C6orf163: variants seen among roughly 807,000 people sequenced by gnomAD.
C6orf163 encodes the protein chromosome 6 open reading frame 163.
In C6orf163, 22 loss-of-function variants were observed where a neutral mutation model predicts 28.4. The ratio of observed to expected loss-of-function variants is 0.78; its 90% CI spans 0.55 to 1.11. C6orf163 has a LOEUF of 1.11. Ranked by LOEUF, C6orf163 falls within the 50% of genes least tolerant of loss-of-function variation. The pLI is 0.00. For synonymous variants in C6orf163, 110 were observed against 123.6 expected (o/e 0.89, Z 0.73); for missense variants, 342 against 389.1 (o/e 0.88, Z 1.02).
Position 87,356,299 on chromosome 6 carries a change from A to G in C6orf163, c.352-2A>G, listed in dbSNP as rs1203332529. 1.3e-5 allele frequency: 20 copies of G among 1,551,578 alleles called. No homozygotes were observed. The East Asian group carries it at 2.0e-4, about 15-fold the overall frequency. ...CTAAACCTAGTTTTGCCATTGCTTCAGGAAGTGACAGCTAAAACTAAGACA... is the reference window on the plus strand; with the variant it reads ...CTAAACCTAGTTTTGCCATTGCTTCGGGAAGTGACAGCTAAAACTAAGACA... On this transcript the variant is annotated splice_acceptor_variant, in intron 3 of 4. Transcript: ENST00000388923. LOFTEE classifies it high-confidence loss of function.
At chr6:87,360,734 A>G (rs567611189) in intron 4 of C6orf163, among the ~76,000 whole-genome samples, 9 of 152,270 alleles carry the variant, frequency 5.9e-5, no homozygotes, top group Admixed American at 2.0e-4. Flanking sequence ...TAATGTTCCA[A>G]TATAGCTGCT....
intron 4 of C6orf163, among the ~76,000 whole-genome samples, chr6:87,363,210 A>G (rs1015052149): frequency 5.3e-5 from 8 of 152,136 alleles, no homozygotes; most frequent in African/African-American, 1.4e-4. Flanking sequence ...AATACCCTAC[A>G]TTATAGCCAG....
rs1422117733 is a variant in C6orf163 at position 87,344,873 on chromosome 6, G to A, written c.-227G>A. On this transcript the variant is annotated 5_prime_UTR_variant, in exon 1 of 5. An upstream open reading frame in the 5' UTR gains an earlier in-frame stop. Coordinates refer to ENST00000388923, the MANE Select transcript of C6orf163 (RefSeq NM_001010868.3). Reference sequence around the variant, plus strand: ...CAACTACTTAAATCTTCCCAAATCTGGTGCCCATACCTTCTATGGCAGGGG... The same window carrying A: ...CAACTACTTAAATCTTCCCAAATCTAGTGCCCATACCTTCTATGGCAGGGG... The A allele has an allele frequency of 2.8e-6, 1 of 352,080 alleles. No homozygotes were observed. Among genetic ancestry groups the A allele is most frequent in the Admixed American group, 4.7e-5 (1 of 21,386 alleles). 21.8% of individuals were successfully genotyped at this position (352,080 alleles called of 1,614,324 possible). A position where few individuals can be genotyped will look rare whatever the true frequency, so the allele number is the denominator to read the frequency against.
At chr6:87,361,149 G>T (rs1202858969) in intron 4 of C6orf163, among the ~76,000 whole-genome samples, 1 of 152,112 alleles carries the variant, frequency 6.6e-6, no homozygotes, top group Non-Finnish European at 1.5e-5. Flanking sequence ...GCTGGGCATG[G>T]TCGCACATGC....
At chr6:87,361,020 T>G (rs893877935) in intron 4 of C6orf163, among the ~76,000 whole-genome samples, 3 of 152,152 alleles carry the variant, frequency 2.0e-5, no homozygotes, top group African/African-American at 7.2e-5. Context: ...AAAGTGGGGC[T>G]AGGCGCAGTG....
Position 87,365,124 on chromosome 6 carries a change from G to A in C6orf163, c.718G>A (p.Glu240Lys), listed in dbSNP as rs1714929832. ...EEVQEVLQEA[E>K]KTHQATLGNM... Reference sequence around the variant, plus strand: ...GGTACAGGAAGTGCTTCAAGAAGCAGAGAAAACACATCAGGCCACTCTTGG... The same window carrying A: ...GGTACAGGAAGTGCTTCAAGAAGCAAAGAAAACACATCAGGCCACTCTTGG... Residue 240 changes from glutamate to lysine, a missense_variant, in exon 5 of 5, where the codon GAG (glutamate) becomes AAG (lysine). Physicochemically the swap from Glu to Lys is moderately conservative, Grantham distance 56. Transcript: ENST00000388923. 6.4e-7 allele frequency: 1 copy of A among 1,552,012 alleles called. No individual in the cohort carries two copies. Among genetic ancestry groups the A allele is most frequent in the Non-Finnish European group, 8.7e-7 (1 of 1,147,076 alleles).
intron 4 of C6orf163, chr6:87,356,925 C>G (rs1408317452): frequency 1.2e-5 from 2 of 169,760 alleles, no homozygotes; most frequent in Non-Finnish European, 2.6e-5. Flanking sequence ...TTCACATTCT[C>G]TAGCCTAGAT....
intron 4 of C6orf163, among the ~76,000 whole-genome samples, chr6:87,363,980 G>T (rs999153723): frequency 1.3e-5 from 2 of 150,556 alleles, no homozygotes; most frequent in Non-Finnish European, 3.0e-5. Context: ...AGAGATTAAA[G>T]AGTTGTGCAA....
chr6:87,348,372 A>T, intron 1 of C6orf163: 1 of 987,558 alleles, frequency 1.0e-6, no homozygotes, highest in Middle Eastern at 5.2e-4. Context: ...AAAGAACCAC[A>T]TGCTAAAGAA....
intron 3 of C6orf163, among the ~76,000 whole-genome samples, chr6:87,350,928 T>C (rs78444413): frequency 1.3e-5 from 2 of 152,332 alleles, no homozygotes; most frequent in East Asian, 3.9e-4. Context: ...CCTGACTTAG[T>C]AGGTGCTCAA....
intron 2 of C6orf163, 45 bp from the exon 3 acceptor site, chr6:87,350,349 C>A: frequency 8.1e-7 from 1 of 1,240,714 alleles, no homozygotes; most frequent in Non-Finnish European, 1.1e-6. Flanking sequence ...TTTGCTTGTG[C>A]TTATTCTGAT....
Position 87,365,023 on chromosome 6 carries a change from T to C in C6orf163, c.617T>C (p.Val206Ala). 6.4e-7 allele frequency: 1 copy of C among 1,551,678 alleles called. No individual in the cohort carries two copies. Among genetic ancestry groups the C allele is most frequent in the South Asian group, 1.2e-5 (1 of 84,054 alleles). ...VTVIKDEKTS[V>A]ARLMREKEHE... ...GTTATTAAGGATGAGAAGACCAGTG[T>C]GGCCCGACTGATGAGGGAAAAAGAA... The change falls in exon 5 of 5, where the codon GTG becomes GCG. Residue 206 changes from valine (V) to alanine (A), a missense_variant. Val to Ala is a moderately conservative substitution (Grantham distance 64). Coordinates refer to ENST00000388923, the MANE Select transcript of C6orf163 (RefSeq NM_001010868.3).
intron 2 of C6orf163, among the ~76,000 whole-genome samples, chr6:87,349,657 T>C (rs937321965): frequency 4.6e-5 from 7 of 152,154 alleles, no homozygotes; most frequent in African/African-American, 1.7e-4. Flanking sequence ...TTATAGCAAA[T>C]AGTATTAGCA....
At chr6:87,347,485 A>G in intron 1 of C6orf163, 1 of 985,404 alleles carries the variant, frequency 1.0e-6, no homozygotes, top group Non-Finnish European at 1.2e-6. Flanking sequence ...ATTTTGTCCT[A>G]GAAAATCTTT....
rs1777503343 is a variant in C6orf163 at position 87,356,422 on chromosome 6, A to G, written c.473A>G (p.His158Arg). Residue 158 changes from histidine (H) to arginine (R), a missense_variant, in exon 4 of 5, where the codon CAC becomes CGC. Physicochemically the swap from His to Arg is conservative, Grantham distance 29. Coordinates refer to ENST00000388923, the MANE Select transcript of C6orf163 (RefSeq NM_001010868.3). ...HRIQRIMMEC[H>R]REKVEAVEKA... ...ATCCAAAGGATTATGATGGAATGCCACAGAGAGAAGGTCGAAGCTGTGGAG... is the reference window on the plus strand; with the variant it reads ...ATCCAAAGGATTATGATGGAATGCCGCAGAGAGAAGGTCGAAGCTGTGGAG... 2 of 1,551,818 alleles carry G rather than the reference A, an allele frequency of 1.3e-6. No homozygotes were observed. The highest frequency in any genetic ancestry group is 1.7e-6 in the Non-Finnish European group (2 of 1,147,004).
intron 4 of C6orf163, among the ~76,000 whole-genome samples, chr6:87,360,367 C>T (rs994591623): frequency 2.6e-5 from 4 of 151,042 alleles, no homozygotes; most frequent in African/African-American, 4.9e-5. Context: ...GCAAATATTT[C>T]GCTTATGTTA....
In C6orf163 at chr6:87,345,081, A is replaced by G. The variant is rs769647726; in HGVS notation, c.-19A>G. 20 of 1,508,950 alleles carry G rather than the reference A, an allele frequency of 1.3e-5. No individual in the cohort carries two copies. In the South Asian group the frequency reaches 2.5e-4, roughly 19 times the overall value. The allele number at this position is 1,508,950 out of a possible 1,614,324, so 93.5% of individuals were successfully genotyped here. A position where few individuals can be genotyped will look rare whatever the true frequency, so the allele number is the denominator to read the frequency against. The stretch of plus-strand genomic sequence containing the variant: ...GATTATTTTAACTGTAAGTAGGAGA[A>G]GACATCTGAAATTTAACTATGATCA... On this transcript the variant is annotated 5_prime_UTR_variant, in exon 1 of 5. Transcript: ENST00000388923.
intron 1 of C6orf163, among the ~76,000 whole-genome samples, chr6:87,346,063 T>C (rs568655684): frequency 6.6e-6 from 1 of 151,762 alleles, no homozygotes; most frequent in Non-Finnish European, 1.5e-5. Context: ...TATGTATATA[T>C]AATAAGCAAA....
intron 2 of C6orf163, 56 bp downstream of exon 2, chr6:87,348,962 G>T: frequency 4.6e-6 from 7 of 1,526,502 alleles, no homozygotes; most frequent in Non-Finnish European, 6.1e-6. Context: ...TTCACATTTT[G>T]GATTTGTCTG....
Sources: gnomAD v4.1 joint callset for allele counts (sites outside exome capture counted in the v4.1 genomes callset) on GRCh38, gnomAD v4.1.1 for gene constraint, MANE v1.5 for transcripts, NCBI Gene and HGNC (gene_info 2026-07-23, HGNC 2026-07-21) for gene names.